Variants in UNC13B observed in about 807,000 individuals in gnomAD.
UNC13B encodes protein unc-13 homolog B.
Under a neutral mutation model 211.0 loss-of-function variants are expected in UNC13B, and 144 were observed. The observed-to-expected ratio is 0.68, with a 90% CI of 0.60 to 0.78. The LOEUF is 0.78. Ranked by LOEUF, UNC13B falls within the 30% of genes least tolerant of loss-of-function variation. The pLI is 0.00. For synonymous variants in UNC13B, 709 were observed against 725.8 expected, an observed-to-expected ratio of 0.98 and a Z score of 0.37; for missense variants, 1,777 against 2,002.0, an observed-to-expected ratio of 0.89 and a Z score of 2.14.
intron 1 of UNC13B, among the ~76,000 whole-genome samples, chr9:35,176,417 A>AG (rs1474850063): frequency 6.6e-6 from 1 of 151,956 alleles, no homozygotes; most frequent in East Asian, 1.9e-4. Context: ...GCGTGGTGGC[A>AG]GGCGCCTGTA....
intron 26 of UNC13B, 52 bp downstream of exon 26, chr9:35,390,766 C>A: frequency 6.6e-7 from 1 of 1,520,034 alleles, no homozygotes; most frequent in Non-Finnish European, 9.0e-7. Flanking sequence ...CCAAGCTCCT[C>A]GTTCACTGTC....
intron 18 of UNC13B, 90 bp downstream of exon 18, chr9:35,380,729 C>A: frequency 6.5e-7 from 1 of 1,528,030 alleles, no homozygotes; most frequent in Non-Finnish European, 9.0e-7. Flanking sequence ...ACCATCTGTC[C>A]CCAAAGCATA....
intron 3 of UNC13B, among the ~76,000 whole-genome samples, chr9:35,236,232 A>C (rs1025568198): frequency 2.0e-5 from 3 of 152,122 alleles, no homozygotes; most frequent in Non-Finnish European, 4.4e-5. Context: ...TGGAGGCACT[A>C]TGTGGTATAG....
At chr9:35,250,957 CTT>C (rs35077779) in intron 6 of UNC13B, among the ~76,000 whole-genome samples, 3 of 77,058 alleles carry the variant, frequency 3.9e-5, no homozygotes, top group Non-Finnish European at 7.1e-5. Context: ...GTTACTCTTC[CTT>C]TTTTTTTTTT....
At chr9:35,206,852 GAC>G (rs770238086) in intron 1 of UNC13B, among the ~76,000 whole-genome samples, 10 of 132,186 alleles carry the variant, frequency 7.6e-5, no homozygotes, top group Non-Finnish European at 1.4e-4. Context: ...CCAGCCTGGT[GAC>G]AGAGTGAGAC....
At chr9:35,366,095 G>A (rs928132810) in intron 11 of UNC13B, among the ~76,000 whole-genome samples, 3 of 152,210 alleles carry the variant, frequency 2.0e-5, no homozygotes, top group African/African-American at 7.2e-5. Context: ...AGGAGGCAGG[G>A]AAGTTGTTGG....
chr9:35,314,410 A>G (rs1411272957), intron 11 of UNC13B, among the ~76,000 whole-genome samples: 1 of 152,204 alleles, frequency 6.6e-6, no homozygotes, highest in African/African-American at 2.4e-5. Flanking sequence ...TAAGTCCCAA[A>G]GTATCAGCAC....
At position 35,306,472 on chromosome 9, in the gene UNC13B, C is replaced by G; in HGVS notation, c.7068C>G (p.Pro2356=). The change falls in exon 9 of 40, where the codon CCC becomes CCG. Residue 2356 remains proline (P), a synonymous_variant. Transcript: ENST00000635942. ...GCCCAGAGAACCTTGGGATAGCTCC[C>G]CATGAAGAAGAGGCTTTCAACCACA... ...LTGPENLGIA[P]HEEEAFNHKA... 2.5e-6 allele frequency: 1 copy of G among 398,994 alleles called. No homozygotes were observed. The highest frequency in any genetic ancestry group is 4.4e-6 in the Non-Finnish European group (1 of 226,050). 24.7% of individuals were successfully genotyped at this position (398,994 alleles called of 1,614,324 possible).
chr9:35,384,533 G>C, intron 22 of UNC13B: 6 of 985,464 alleles, frequency 6.1e-6, no homozygotes, highest in Non-Finnish European at 7.2e-6. Context: ...TTTATAGACA[G>C]TTGTCTTTCC....
intron 1 of UNC13B, among the ~76,000 whole-genome samples, chr9:35,213,192 A>T (rs920616362): frequency 6.6e-6 from 1 of 152,134 alleles, no homozygotes; most frequent in Non-Finnish European, 1.5e-5. Flanking sequence ...CCAGCTCCCA[A>T]TGTGATGGTA....
At chr9:35,296,981 C>A (rs1829390972) in intron 8 of UNC13B, among the ~76,000 whole-genome samples, 1 of 152,068 alleles carries the variant, frequency 6.6e-6, no homozygotes, top group African/African-American at 2.4e-5. Flanking sequence ...CTTTCTGGTC[C>A]AGGATCCAAT....
At chr9:35,183,730 G>A (rs1427508000) in intron 1 of UNC13B, among the ~76,000 whole-genome samples, 1 of 133,300 alleles carries the variant, frequency 7.5e-6, no homozygotes, top group African/African-American at 2.9e-5. Flanking sequence ...TTCCCAGACG[G>A]GGCAGCCGGG....
rs565560152 is a variant in UNC13B at position 35,400,409 on chromosome 9, C to G, written c.12450C>G (p.Leu4150=). The G allele has an allele frequency of 3.1e-5, 50 of 1,613,950 alleles. No homozygotes were observed. The South Asian group carries it at 5.4e-4, about 17-fold the overall frequency. Residue 4150 remains leucine (L), a synonymous_variant, in exon 37 of 40, where the codon CTC becomes CTG. Transcript: ENST00000635942. ...TGTACACACAGACTACTGACACTCTCATCAAGACCTTTGTGCGCTCGCAGA... is the reference window on the plus strand; with the variant it reads ...TGTACACACAGACTACTGACACTCTGATCAAGACCTTTGTGCGCTCGCAGA... ...LSLYTQTTDT[L]IKTFVRSQTT...
intron 11 of UNC13B, among the ~76,000 whole-genome samples, chr9:35,359,914 C>A (rs897806413): frequency 6.6e-6 from 1 of 152,126 alleles, no homozygotes; most frequent in African/African-American, 2.4e-5. Context: ...GTTATATCAC[C>A]TCTCTGCTCA....
chr9:35,266,522 G>A (rs117421354), intron 7 of UNC13B, among the ~76,000 whole-genome samples: 2,851 of 152,262 alleles, frequency 0.019, 58 homozygotes, highest in Non-Finnish European at 0.025. Context: ...GCAACATAGC[G>A]AGACCCTGTC....
At chr9:35,279,885 A>G (rs1161723594) in intron 7 of UNC13B, among the ~76,000 whole-genome samples, 4 of 152,154 alleles carry the variant, frequency 2.6e-5, no homozygotes, top group Non-Finnish European at 5.9e-5. Context: ...GAGGATAGCC[A>G]TAGGCAAACA....
Position 35,376,182 on chromosome 9 carries a change from G to C in UNC13B, c.9770G>C (p.Cys3257Ser). The C allele has an allele frequency of 1.2e-6, 2 of 1,614,180 alleles. No homozygotes were observed. The highest frequency in any genetic ancestry group is 1.7e-6 in the Non-Finnish European group (2 of 1,180,040). ...GGCATTGCCCGGCAGGGCATGCGCT[G>C]CAGCGAATGTGGAGTCAAGTGCCAT... The part of the protein sequence containing the change: ...LWGIARQGMR[C>S]SECGVKCHEK... Residue 3257 changes from cysteine to serine, a missense_variant, in exon 15 of 40, where the codon TGC (cysteine) becomes TCC (serine). Transcript: ENST00000635942.
intron 17 of UNC13B, among the ~76,000 whole-genome samples, chr9:35,379,866 G>A (rs1234559886): frequency 6.6e-6 from 1 of 152,178 alleles, no homozygotes; most frequent in Non-Finnish European, 1.5e-5. Flanking sequence ...ACAGATCCCA[G>A]AAAGCAACTG....
chr9:35,255,351 C>T (rs931035080), intron 6 of UNC13B, among the ~76,000 whole-genome samples: 2 of 150,368 alleles, frequency 1.3e-5, no homozygotes, highest in African/African-American at 4.9e-5. Flanking sequence ...TAACATCTTA[C>T]ATTAGTGTAA....
Sources: gnomAD v4.1 joint callset for allele counts (sites outside exome capture counted in the v4.1 genomes callset) on GRCh38, gnomAD v4.1.1 for gene constraint, MANE v1.5 for transcripts, NCBI Gene and HGNC (gene_info 2026-07-23, HGNC 2026-07-21) for gene names.